Variants in CPA5 observed in about 807,000 individuals in gnomAD.
CPA5 encodes testicular tissue protein Li 32.
In CPA5, 38 loss-of-function variants were observed where a neutral mutation model predicts 52.2. The ratio of observed to expected loss-of-function variants is 0.73; its 90% CI spans 0.56 to 0.95. The LOEUF (loss-of-function observed/expected upper bound fraction) is 0.95. CPA5 is among the 40% of genes least tolerant of loss of function. CPA5 has a pLI of 0.00. For synonymous variants in CPA5, 198 were observed against 213.7 expected (o/e 0.93, Z 0.64); for missense variants, 519 against 566.7 (o/e 0.92, Z 0.86).
At chr7:130,361,269 T>C in intron 7 of CPA5, 25 bp downstream of exon 7, 1 of 1,501,280 alleles carries the variant, frequency 6.7e-7, no homozygotes, top group Non-Finnish European at 9.3e-7. Context: ...TGTCAACCTG[T>C]AGACTCTACC....
intron 5 of CPA5, among the ~76,000 whole-genome samples, chr7:130,355,070 CAGA>C (rs35918229): frequency 0.95 from 143,627 of 151,776 alleles, 68,392 homozygotes; most frequent in East Asian, 1. Context: ...GGGGTAGGGA[CAGA>C]AGAAGAGGAC....
At position 130,362,792 on chromosome 7, in the gene CPA5, C is replaced by A. The variant is rs938975966; in HGVS notation, c.637-92C>A. ...ATATACCTCAGGGGTTTCATGCCAT[C>A]CCTTCCTGCAGCCACTGGCTGTGAA... On this transcript the variant is annotated intron_variant, in intron 8 of 12. Transcript: ENST00000474905. 3.2e-4 allele frequency: 248 copies of A among 784,520 alleles called. 1 individual carries two copies. Among genetic ancestry groups the A allele is most frequent in the Non-Finnish European group, 5.8e-5 (27 of 463,546 alleles). The allele number at this position is 784,520 out of a possible 1,614,324, so 48.6% of individuals were successfully genotyped here.
downstream of CPA5, among the ~76,000 whole-genome samples, chr7:130,369,427 G>A (rs1554409624): frequency 1.3e-5 from 2 of 152,198 alleles, no homozygotes; most frequent in African/African-American, 4.8e-5. Context: ...TCTTCATTCT[G>A]TCTGCTGCCT....
chr7:130,355,482 C>T (rs1355441713), intron 5 of CPA5, among the ~76,000 whole-genome samples: 2 of 152,180 alleles, frequency 1.3e-5, no homozygotes, highest in Non-Finnish European at 2.9e-5. Context: ...TCGCCCCTAA[C>T]TGCAACCTCC....
downstream of CPA5, among the ~76,000 whole-genome samples, chr7:130,373,022 CA>C (rs560971814): frequency 2.0e-4 from 31 of 152,288 alleles, no homozygotes; most frequent in South Asian, 5.8e-3. Context: ...AGACTAAGGC[CA>C]GGGGGGTGCT....
intron 5 of CPA5, among the ~76,000 whole-genome samples, chr7:130,352,179 A>G (rs555429075): frequency 3.3e-5 from 5 of 151,982 alleles, no homozygotes; most frequent in African/African-American, 9.7e-5. Flanking sequence ...AGATTTTGGA[A>G]TCTCTCCCTC....
chr7:130,364,932 G>T (rs1795993232), intron 10 of CPA5, among the ~76,000 whole-genome samples: 1 of 152,226 alleles, frequency 6.6e-6, no homozygotes, highest in African/African-American at 2.4e-5. Flanking sequence ...AGAGATTCCA[G>T]AACAGACACA....
intron 6 of CPA5, 32 bp from the exon 7 acceptor site, chr7:130,361,111 A>C (rs1795766856): frequency 7.8e-6 from 11 of 1,411,302 alleles, no homozygotes; most frequent in Non-Finnish European, 1.1e-5. Flanking sequence ...TTCCTGCTTA[A>C]CTGCCAATCT....
intron 5 of CPA5, among the ~76,000 whole-genome samples, chr7:130,356,035 A>G (rs2117369038): frequency 6.6e-6 from 1 of 152,300 alleles, no homozygotes; most frequent in South Asian, 2.1e-4. Context: ...TGGAGTTGCT[A>G]CTGGCCACAT....
At chr7:130,369,582 G>A (rs1554409661), downstream of CPA5, among the ~76,000 whole-genome samples, 2 of 152,174 alleles carry the variant, frequency 1.3e-5, no homozygotes, top group African/African-American at 4.8e-5. Context: ...CATTAGTCGT[G>A]AGAGCAAGAC....
chr7:130,370,040 C>T (rs1031639743), downstream of CPA5, among the ~76,000 whole-genome samples: 1 of 152,210 alleles, frequency 6.6e-6, no homozygotes, highest in Non-Finnish European at 1.5e-5. Context: ...AGCCATGGGG[C>T]TGGTGCAGCT....
intron 5 of CPA5, among the ~76,000 whole-genome samples, chr7:130,357,465 T>C (rs1381806640): frequency 4.0e-5 from 6 of 151,890 alleles, no homozygotes; most frequent in Non-Finnish European, 8.8e-5. Flanking sequence ...CTACTAAAAA[T>C]ACAAAAAATT....
the CPA5 span, among the ~76,000 whole-genome samples, chr7:130,374,070 C>G: frequency 3.3e-5 from 5 of 152,122 alleles, no homozygotes; most frequent in African/African-American, 9.7e-5. Flanking sequence ...CTCCCAGACC[C>G]GGTCCCAGGC....
intron 5 of CPA5, among the ~76,000 whole-genome samples, chr7:130,355,904 T>C (rs1384389074): frequency 6.6e-6 from 1 of 152,214 alleles, no homozygotes; most frequent in Non-Finnish European, 1.5e-5. Flanking sequence ...CTGTTGTCTG[T>C]GTGGCACTTT....
intron 5 of CPA5, among the ~76,000 whole-genome samples, chr7:130,358,269 G>A (rs997361856): frequency 7.9e-5 from 12 of 152,178 alleles, no homozygotes; most frequent in East Asian, 1.9e-4. Flanking sequence ...AAAGTGCTGC[G>A]TTTACAGGTG....
chr7:130,366,049 T>C (rs1796065265), intron 10 of CPA5, among the ~76,000 whole-genome samples: 1 of 152,218 alleles, frequency 6.6e-6, no homozygotes, highest in South Asian at 2.1e-4. Flanking sequence ...CAAGAGTGTG[T>C]GTCTGGGTTG....
intron 7 of CPA5, among the ~76,000 whole-genome samples, chr7:130,362,083 T>G (rs1478600655): frequency 6.6e-6 from 1 of 152,082 alleles, no homozygotes; most frequent in African/African-American, 2.4e-5. Flanking sequence ...ATGCCAAACC[T>G]CAGACCCCTC....
chr7:130,371,957 C>T (rs1467175615), downstream of CPA5, among the ~76,000 whole-genome samples: 3 of 152,212 alleles, frequency 2.0e-5, no homozygotes, highest in Non-Finnish European at 4.4e-5. Context: ...CTCATCAGCT[C>T]CAACCTCACT....
At chr7:130,365,267 G>A (rs1554407919) in intron 10 of CPA5, among the ~76,000 whole-genome samples, 2 of 152,306 alleles carry the variant, frequency 1.3e-5, no homozygotes, top group Non-Finnish European at 2.9e-5. Flanking sequence ...TGCCTCAGGG[G>A]GGGCATCCAT....
Sources: gnomAD v4.1 joint callset for allele counts (sites outside exome capture counted in the v4.1 genomes callset) on GRCh38, gnomAD v4.1.1 for gene constraint, MANE v1.5 for transcripts, NCBI Gene and HGNC (gene_info 2026-07-23, HGNC 2026-07-21) for gene names.